PPM1E: variants seen among roughly 807,000 people sequenced by gnomAD.
The protein encoded by PPM1E is protein phosphatase 1E.
In PPM1E, 20 loss-of-function variants were observed where a neutral mutation model predicts 65.9. The ratio of observed to expected loss-of-function variants is 0.30; its 90% CI spans 0.21 to 0.44. The LOEUF (loss-of-function observed/expected upper bound fraction) is 0.44. PPM1E is among the 20% of genes least tolerant of loss of function. The pLI, the probability that PPM1E is intolerant of heterozygous loss-of-function variation, is 1.00. For missense variants in PPM1E, 713 were observed against 953.1 expected, an observed-to-expected ratio of 0.75 and a Z score of 3.32; for synonymous variants, 352 against 374.9, an observed-to-expected ratio of 0.94 and a Z score of 0.70.
chr17:58,799,593 C>T (rs1401528934), intron 1 of PPM1E, among the ~76,000 whole-genome samples: 1 of 152,194 alleles, frequency 6.6e-6, no homozygotes, highest in Non-Finnish European at 1.5e-5. Context: ...CAGGTGTGCA[C>T]CGCCACGCCT....
intron 1 of PPM1E, among the ~76,000 whole-genome samples, chr17:58,830,197 C>G (rs937552769): frequency 6.6e-6 from 1 of 152,100 alleles, no homozygotes; most frequent in South Asian, 2.1e-4. Flanking sequence ...AAAAACAAAA[C>G]GAACAACAAA....
intron 1 of PPM1E, among the ~76,000 whole-genome samples, chr17:58,942,775 G>A (rs931186394): frequency 6.6e-6 from 1 of 151,796 alleles, no homozygotes; most frequent in African/African-American, 2.4e-5. Context: ...GTATACATAT[G>A]TAACTAACCT....
intron 6 of PPM1E, among the ~76,000 whole-genome samples, chr17:58,978,786 T>C (rs1222491147): frequency 1.3e-5 from 2 of 152,250 alleles, no homozygotes; most frequent in African/African-American, 4.8e-5. Context: ...ACCCTTTTGC[T>C]GCACTCTCAC....
At chr17:58,861,771 C>G (rs1470247181) in intron 1 of PPM1E, among the ~76,000 whole-genome samples, 1 of 151,908 alleles carries the variant, frequency 6.6e-6, no homozygotes, top group East Asian at 1.9e-4. Flanking sequence ...ATGAAAAATA[C>G]AAAAAATTAG....
At chr17:58,919,801 A>G (rs1166935899) in intron 1 of PPM1E, among the ~76,000 whole-genome samples, 2 of 151,518 alleles carry the variant, frequency 1.3e-5, no homozygotes, top group South Asian at 2.1e-4. Flanking sequence ...AGAAAAAAGG[A>G]AAAAAAAAGA....
At chr17:58,776,630 G>T (rs1009357047) in intron 1 of PPM1E, among the ~76,000 whole-genome samples, 2 of 152,066 alleles carry the variant, frequency 1.3e-5, no homozygotes, top group Admixed American at 6.6e-5. Flanking sequence ...TATTTTAGGT[G>T]TCATTTATTG....
intron 1 of PPM1E, among the ~76,000 whole-genome samples, chr17:58,897,100 A>G (rs963099236): frequency 2.6e-5 from 4 of 152,144 alleles, no homozygotes; most frequent in Non-Finnish European, 5.9e-5. Flanking sequence ...CCTACTGCTC[A>G]GAAAAAAAGA....
At chr17:58,847,449 A>G (rs547412775) in intron 1 of PPM1E, among the ~76,000 whole-genome samples, 7 of 152,296 alleles carry the variant, frequency 4.6e-5, no homozygotes, top group African/African-American at 1.4e-4. Flanking sequence ...ATTTTTGTAT[A>G]AGGTGTAAGG....
rs564185603 is a variant in PPM1E at position 58,763,275 on chromosome 17, A to G, written c.464+6814A>G. ...TGTCCTTTTTAACCTGTGGTTTCCA[A>G]CGTTGCTCTAGGCATCAACATTTAT... On this transcript the variant is annotated intron_variant, in intron 1 of 6. Transcript: ENST00000308249. 1.6e-4 allele frequency among the ~76,000 whole-genome samples: 25 copies of G among 152,224 alleles called. No homozygotes were observed. The South Asian group carries it at 3.7e-3, about 23-fold the overall frequency.
intron 1 of PPM1E, among the ~76,000 whole-genome samples, chr17:58,826,665 G>C (rs747409600): frequency 1.3e-5 from 2 of 151,576 alleles, no homozygotes; most frequent in African/African-American, 4.9e-5. Context: ...TGGCTCTGTC[G>C]CCCAGGCTAG....
At chr17:58,854,590 TC>T (rs2050862434) in intron 1 of PPM1E, among the ~76,000 whole-genome samples, 2 of 152,170 alleles carry the variant, frequency 1.3e-5, no homozygotes, top group African/African-American at 4.8e-5. Flanking sequence ...TTCCTTCTAT[TC>T]TTAGTTTTTT....
chr17:58,908,996 G>C (rs1327124862), intron 1 of PPM1E, among the ~76,000 whole-genome samples: 1 of 151,912 alleles, frequency 6.6e-6, no homozygotes, highest in Non-Finnish European at 1.5e-5. Flanking sequence ...CAAATGTATT[G>C]TTGCCATTAT....
intron 1 of PPM1E, among the ~76,000 whole-genome samples, chr17:58,837,058 G>A (rs1299143173): frequency 4.1e-5 from 6 of 146,402 alleles, no homozygotes; most frequent in Non-Finnish European, 7.5e-5. Context: ...ATTACAAGGC[G>A]TGAGCCACCG....
chr17:58,819,324 T>C (rs774065190), intron 1 of PPM1E, among the ~76,000 whole-genome samples: 8 of 152,138 alleles, frequency 5.3e-5, no homozygotes, highest in Non-Finnish European at 1.2e-4. Flanking sequence ...TCTTTTTGTA[T>C]TTTTAGTAGA....
At chr17:58,756,781 C>T (rs2049771944) in intron 1 of PPM1E, among the ~76,000 whole-genome samples, 1 of 152,218 alleles carries the variant, frequency 6.6e-6, no homozygotes, top group Admixed American at 6.5e-5. Flanking sequence ...TCTAGCTCCA[C>T]TTCACGCAAC....
Position 58,889,464 on chromosome 17 carries a change from TGG to T in PPM1E, c.465-66184_465-66183del, listed in dbSNP as rs2051319384. Among the ~76,000 whole-genome samples the T allele has an allele frequency of 2.0e-5, 3 of 152,270 alleles. No homozygotes were observed. In the South Asian group the frequency reaches 6.2e-4, roughly 32 times the overall value. On this transcript the variant is annotated intron_variant, in intron 1 of 6. Coordinates refer to ENST00000308249, the MANE Select transcript of PPM1E (RefSeq NM_014906.5). ...AAATACAAAAAATAACTGGGCGTGG[TGG>T]CACATGCTTGTAATCCCAGCTACTT... is the stretch of plus-strand genomic sequence containing the variant.
At chr17:58,899,970 G>C (rs1181575003) in intron 1 of PPM1E, among the ~76,000 whole-genome samples, 1 of 151,754 alleles carries the variant, frequency 6.6e-6, no homozygotes, top group Non-Finnish European at 1.5e-5. Flanking sequence ...TGAGGTAGGA[G>C]GATCACTTGA....
chr17:58,920,248 TCTTTAA>T (rs1760265729), intron 1 of PPM1E, among the ~76,000 whole-genome samples: 1 of 152,194 alleles, frequency 6.6e-6, no homozygotes, highest in South Asian at 2.1e-4. Context: ...TCTCCACAAC[TCTTTAA>T]AAGTTTTAGT....
At chr17:58,830,766 A>C (rs1186427619) in intron 1 of PPM1E, among the ~76,000 whole-genome samples, 1 of 151,002 alleles carries the variant, frequency 6.6e-6, no homozygotes. Flanking sequence ...GCTCACTGCA[A>C]CCTCTGCCTC....
Sources: gnomAD v4.1 joint callset for allele counts (sites outside exome capture counted in the v4.1 genomes callset) on GRCh38, gnomAD v4.1.1 for gene constraint, MANE v1.5 for transcripts, NCBI Gene and HGNC (gene_info 2026-07-23, HGNC 2026-07-21) for gene names.